Variants in RELT observed in about 807,000 individuals in gnomAD.
The protein encoded by RELT is tumor necrosis factor receptor superfamily member 19L.
A neutral mutation model predicts 51.1 loss-of-function variants in RELT; 37 were observed. The observed-to-expected ratio is 0.72, with a 90% confidence interval of 0.56 to 0.95. The LOEUF (loss-of-function observed/expected upper bound fraction) is 0.95. RELT is among the 40% of genes least tolerant of loss of function. The probability of loss-of-function intolerance (pLI) is 0.00; values close to 1 mark genes in which losing one functional copy is unlikely to be tolerated. For synonymous variants in RELT, 241 were observed against 235.7 expected (o/e 1.02, Z -0.21); for missense variants, 535 against 572.6 (o/e 0.93, Z 0.67).
chr11:73,378,928 C>G (rs1038796926), intron 1 of RELT, among the ~76,000 whole-genome samples: 2 of 152,196 alleles, frequency 1.3e-5, no homozygotes, highest in African/African-American at 4.8e-5. Context: ...GAGGCCCCCT[C>G]CCCTTTGCAG....
At position 73,392,274 on chromosome 11, in the gene RELT, CACGGCAGCCTGGGA is replaced by C; in HGVS notation, c.438_451del (p.Gln146HisfsTer67). On this transcript the variant is annotated frameshift_variant, in exon 6 of 11. Coordinates refer to ENST00000064780, the MANE Select transcript of RELT (RefSeq NM_152222.2). LOFTEE classifies it high-confidence loss of function. ...GCAGGGGCCAGCAGCGGTGGTGAGA[CACGGCAGCCTGGGA>C]ACGGCACCCGGGCAGGTGGCCCAGA... The C allele has an allele frequency of 6.2e-7, 1 of 1,612,998 alleles. No homozygotes were observed. Among genetic ancestry groups the C allele is most frequent in the South Asian group, 1.1e-5 (1 of 91,066 alleles).
rs1035413705 is a variant in RELT, at chr11:73,394,177, G to T, written c.707-59G>T. 1 of 1,466,066 alleles carries T rather than the reference G, an allele frequency of 6.8e-7. No individual in the cohort carries two copies. Among genetic ancestry groups the T allele is most frequent in the East Asian group, 2.4e-5 (1 of 40,904 alleles). 90.8% of individuals were successfully genotyped at this position (1,466,066 alleles called of 1,614,324 possible). ...AGGTGGGGGGTTCTCTGCTGGGGCA[G>T]GGGGTGGGAGGTGTGTCCCATATGG... On this transcript the variant is annotated intron_variant, in intron 7 of 10. Transcript: ENST00000064780. This position sits in a 1 kb window ranked among gnomAD's most constrained non-coding sequence, Gnocchi z 4.9.
In RELT at chr11:73,388,577, G is replaced by A. The variant is rs1046693588; in HGVS notation, c.-25-535G>A. Among the ~76,000 whole-genome samples the A allele has an allele frequency of 2.6e-5, 4 of 152,208 alleles. No homozygotes were observed. The East Asian group carries it at 7.7e-4, about 29-fold the overall frequency. Reference sequence around the variant, plus strand: ...GAAGCTTCTGGAAAGAGAGGCCTTCGTGTTGAGCTTTGAAGGGTAAAGGAA... The same window carrying A: ...GAAGCTTCTGGAAAGAGAGGCCTTCATGTTGAGCTTTGAAGGGTAAAGGAA... On this transcript the variant is annotated intron_variant, in intron 1 of 10. Coordinates refer to ENST00000064780, the MANE Select transcript of RELT (RefSeq NM_152222.2). This position sits in a 1 kb window ranked among gnomAD's most constrained non-coding sequence, Gnocchi z 4.1.
At position 73,394,729 on chromosome 11, in the gene RELT, G is replaced by C; in HGVS notation, c.1041G>C (p.Val347=). The C allele has an allele frequency of 6.2e-7, 1 of 1,608,048 alleles. No individual in the cohort carries two copies. Among genetic ancestry groups the C allele is most frequent in the Non-Finnish European group, 8.5e-7 (1 of 1,179,604 alleles). Reference sequence around the variant, plus strand: ...AGGGCGAGATCACCATCTTGTCTGTGGGCAGGTGAGATGGGCACAGATGCA... The same window carrying C: ...AGGGCGAGATCACCATCTTGTCTGTCGGCAGGTGAGATGGGCACAGATGCA... ...GRQGEITILS[V]GRFRVARIPE... The change falls in exon 9 of 11, where the codon GTG becomes GTC. Residue 347 remains valine, a synonymous_variant. Coordinates refer to ENST00000064780, the MANE Select transcript of RELT (RefSeq NM_152222.2). The surrounding 1 kb of genome is among the most constrained non-coding windows in gnomAD (Gnocchi z 4.9).
rs945441395 is a variant in RELT, at chr11:73,388,209, A to G, written c.-25-903A>G. ...ACTCTGCTTTATTTCGTTTCTTGGCACTTACCACCAAATGGCAGGGGCACC... is the reference window on the plus strand; with the variant it reads ...ACTCTGCTTTATTTCGTTTCTTGGCGCTTACCACCAAATGGCAGGGGCACC... On this transcript the variant is annotated intron_variant, in intron 1 of 10. Transcript: ENST00000064780. This position sits in a 1 kb window ranked among gnomAD's most constrained non-coding sequence, Gnocchi z 4.1. Among the ~76,000 whole-genome samples the G allele has an allele frequency of 6.6e-6, 1 of 152,150 alleles. No individual in the cohort carries two copies. The highest frequency in any genetic ancestry group is 2.4e-5 in the African/African-American group (1 of 41,420).
chr11:73,394,401 C>T lies in RELT; in HGVS notation c.789-76C>T, dbSNP rs1866271707. The T allele has an allele frequency of 1.2e-6, 2 of 1,609,738 alleles. No individual in the cohort carries two copies. The highest frequency in any genetic ancestry group is 2.7e-5 in the African/African-American group (2 of 74,982). ...GGGGATCTCCCACTTGGGTCTCCCT[C>T]AAGTCACCCTGTTCCCTGCTGGGGT... On this transcript the variant is annotated intron_variant, in intron 8 of 10. Coordinates refer to ENST00000064780, the MANE Select transcript of RELT (RefSeq NM_152222.2). The surrounding 1 kb of genome is among the most constrained non-coding windows in gnomAD (Gnocchi z 4.9).
intron 6 of RELT, chr11:73,392,815 TC>T (rs1200380700): frequency 8.4e-7 from 1 of 1,197,030 alleles, no homozygotes; most frequent in Admixed American, 3.8e-5. Context: ...ACCTCTGACC[TC>T]TGGCCTGGAG....
At chr11:73,387,573 C>G (rs1866145315) in intron 1 of RELT, among the ~76,000 whole-genome samples, 1 of 152,182 alleles carries the variant, frequency 6.6e-6, no homozygotes, top group Non-Finnish European at 1.5e-5. Flanking sequence ...TTCTCCTGTC[C>G]CTGGCTTTCC....
Position 73,392,424 on chromosome 11 carries a change from C to G in RELT, c.581C>G (p.Thr194Arg), listed in dbSNP as rs775696442. 1.2e-6 allele frequency: 2 copies of G among 1,613,582 alleles called. No homozygotes were observed. Among genetic ancestry groups the G allele is most frequent in the Non-Finnish European group, 1.7e-6 (2 of 1,179,916 alleles). The part of the protein sequence containing the change: ...NLLKRKGYHC[T>R]AHKEVGPGPG... ...CTCAAGCGGAAGGGCTACCACTGCA[C>G]GGCGCACAAGGAGGTCGGGCCCGGC... is the stretch of plus-strand genomic sequence containing the variant. The change falls in exon 6 of 11, where the codon ACG becomes AGG. Residue 194 changes from threonine (T) to arginine (R), a missense_variant. By Grantham distance (71) the Thr-to-Arg change is moderately conservative. Transcript: ENST00000064780.
intron 1 of RELT, among the ~76,000 whole-genome samples, chr11:73,380,947 G>T (rs995467939): frequency 6.6e-6 from 1 of 152,202 alleles, no homozygotes; most frequent in Non-Finnish European, 1.5e-5. Context: ...GAGTGGCAGA[G>T]AGGACAAGAG....
At position 73,393,697 on chromosome 11, in the gene RELT, C is replaced by A. The variant is rs761273286; in HGVS notation, c.626-140C>A. 108 of 1,580,670 alleles carry A rather than the reference C, an allele frequency of 6.8e-5. No homozygotes were observed. The East Asian group carries it at 2.4e-3, about 35-fold the overall frequency. The stretch of plus-strand genomic sequence containing the variant: ...GAGCCTGGATCCCACATTTGCAGGG[C>A]TCTGGGAGGCTTGTCACCTAAATGC... On this transcript the variant is annotated intron_variant, in intron 6 of 10. Transcript: ENST00000064780.
intron 4 of RELT, 25 bp downstream of exon 4, chr11:73,390,946 G>T: frequency 6.2e-7 from 1 of 1,604,190 alleles, no homozygotes; most frequent in South Asian, 1.1e-5. Context: ...GTGCGGGGAG[G>T]GCTCCTGGCT....
At chr11:73,378,185 A>C (rs1426345634) in intron 1 of RELT, among the ~76,000 whole-genome samples, 1 of 152,122 alleles carries the variant, frequency 6.6e-6, no homozygotes, top group Admixed American at 6.5e-5. Context: ...GACCCTTCTG[A>C]GGCCCCTTCT....
At chr11:73,393,359 C>A in intron 6 of RELT, 1 of 1,131,212 alleles carries the variant, frequency 8.8e-7, no homozygotes, top group Non-Finnish European at 1.1e-6. Context: ...TCATCGTGGC[C>A]CATTCTCACA....
At chr11:73,384,616 C>T (rs534730404) in intron 1 of RELT, 1 of 152,388 alleles carries the variant, frequency 6.6e-6, no homozygotes, top group Non-Finnish European at 1.5e-5. Context: ...TACTTTGTAT[C>T]CCCAGGTTAG....
intron 10 of RELT, 72 bp downstream of exon 10, chr11:73,395,357 G>A (rs761789261): frequency 2.6e-6 from 4 of 1,556,416 alleles, no homozygotes; most frequent in South Asian, 1.1e-5. Context: ...AGGGGTGGAA[G>A]TGCAGCGGGC....
rs1866241056 is a variant in RELT at position 73,392,837 on chromosome 11, G to A, written c.625+369G>A. ...ACCTCTGGCCTGGAGTAGCAGGAGT[G>A]CCCTGTGGCAGGAGGGCTGGCAGGG... On this transcript the variant is annotated intron_variant, in intron 6 of 10. Coordinates refer to ENST00000064780, the MANE Select transcript of RELT (RefSeq NM_152222.2). 6.1e-6 allele frequency: 7 copies of A among 1,151,248 alleles called. No individual in the cohort carries two copies. In the South Asian group the frequency reaches 1.4e-4, roughly 23 times the overall value. 71.3% of individuals were successfully genotyped at this position (1,151,248 alleles called of 1,614,324 possible).
At chr11:73,390,692 C>T in intron 3 of RELT, 63 bp from the exon 4 acceptor site, 1 of 1,610,116 alleles carries the variant, frequency 6.2e-7, no homozygotes. Flanking sequence ...GAGTCCTGTG[C>T]CTGGCCCCCA....
chr11:73,385,336 C>G (rs1866107298), intron 1 of RELT, among the ~76,000 whole-genome samples: 1 of 152,204 alleles, frequency 6.6e-6, no homozygotes, highest in African/African-American at 2.4e-5. Context: ...CTGAGGCCTC[C>G]AGGCTGCACC....
Sources: gnomAD v4.1 joint callset for allele counts (sites outside exome capture counted in the v4.1 genomes callset) on GRCh38, gnomAD v4.1.1 for gene constraint, Gnocchi (gnomAD v3.1) non-coding constraint, MANE v1.5 for transcripts, NCBI Gene and HGNC (gene_info 2026-07-23, HGNC 2026-07-21) for gene names.